Variants in RABGAP1L observed in about 807,000 individuals in gnomAD.
RABGAP1L encodes RAB GTPase activating protein 1 like.
Under a neutral mutation model 137.7 loss-of-function variants are expected in RABGAP1L, and 63 were observed. The observed-to-expected ratio is 0.46, with a 90% CI of 0.37 to 0.56. RABGAP1L has a LOEUF of 0.56. Among genes scored for constraint, RABGAP1L ranks in the 20% least tolerant of loss-of-function variants. RABGAP1L has a pLI of 0.00. For synonymous variants in RABGAP1L, 431 were observed against 433.7 expected, an observed-to-expected ratio of 0.99 and a Z score of 0.08; for missense variants, 1,095 against 1,244.0, an observed-to-expected ratio of 0.88 and a Z score of 1.80.
chr1:174,609,883 T>C (rs184100581), intron 13 of RABGAP1L, among the ~76,000 whole-genome samples: 48 of 152,222 alleles, frequency 3.2e-4, no homozygotes, highest in African/African-American at 1.1e-3. Flanking sequence ...AAACAGTTTT[T>C]TAAATTATTT....
At chr1:174,321,772 T>G (rs188647027) in intron 11 of RABGAP1L, among the ~76,000 whole-genome samples, 22 of 152,316 alleles carry the variant, frequency 1.4e-4, no homozygotes, top group Admixed American at 1.4e-3. Context: ...CCTTACTAGT[T>G]TAAAAAAATT....
chr1:174,962,205 C>CCA (rs1553295729), intron 20 of RABGAP1L, among the ~76,000 whole-genome samples: 16,097 of 136,788 alleles, frequency 0.12, 2,170 homozygotes, highest in East Asian at 0.25. Context: ...CACCCCCCCC[C>CCA]CACACACACA....
intron 13 of RABGAP1L, among the ~76,000 whole-genome samples, chr1:174,590,013 T>C (rs1227072151): frequency 2.0e-5 from 3 of 152,116 alleles, no homozygotes; most frequent in Non-Finnish European, 4.4e-5. Context: ...ATTGATACTT[T>C]GATTCGGATT....
At position 174,259,857 on chromosome 1, in the gene RABGAP1L, CAG is replaced by C. The variant is rs1673437225; in HGVS notation, c.986+7270_986+7271del. ...ACTGCATTTTTTTTTTTTTTTGAGA[CAG>C]AGTCTCACTCTGTCACCCAGGCTGG... On this transcript the variant is annotated intron_variant, in intron 7 of 25. Transcript: ENST00000681986. Among the ~76,000 whole-genome samples, 5 of 145,564 alleles carry C rather than the reference CAG, an allele frequency of 3.4e-5. No homozygotes were observed. The South Asian group carries it at 1.1e-3, about 31-fold the overall frequency.
intron 10 of RABGAP1L, among the ~76,000 whole-genome samples, chr1:174,290,100 A>G (rs968381644): frequency 5.3e-5 from 8 of 152,054 alleles, no homozygotes; most frequent in African/African-American, 1.9e-4. Context: ...TGGATTGCTG[A>G]CTGGGAAACC....
chr1:174,849,866 A>G, intron 19 of RABGAP1L: 1 of 564,826 alleles, frequency 1.8e-6, no homozygotes, highest in Non-Finnish European at 3.5e-6. Context: ...TTATCATATT[A>G]AAGTGATGGC....
At chr1:174,226,465 C>A (rs1670186689) in intron 3 of RABGAP1L, among the ~76,000 whole-genome samples, 1 of 151,524 alleles carries the variant, frequency 6.6e-6, no homozygotes, top group South Asian at 2.1e-4. Flanking sequence ...CAGGTATAAT[C>A]TGTGGGAGAG....
chr1:174,280,922 C>A (rs1216261383), intron 10 of RABGAP1L, among the ~76,000 whole-genome samples: 1 of 151,960 alleles, frequency 6.6e-6, no homozygotes. Context: ...TCTGGAGTTT[C>A]TTCCTTCTGG....
intron 19 of RABGAP1L, among the ~76,000 whole-genome samples, chr1:174,907,804 A>C (rs1375175028): frequency 6.6e-6 from 1 of 152,204 alleles, no homozygotes; most frequent in African/African-American, 2.4e-5. Flanking sequence ...TGGCATTAGT[A>C]AATCCTTACT....
At chr1:174,833,622 A>G (rs1410998844) in intron 19 of RABGAP1L, among the ~76,000 whole-genome samples, 1 of 150,374 alleles carries the variant, frequency 6.7e-6, no homozygotes, top group African/African-American at 2.4e-5. Context: ...GATCATTTAC[A>G]TGGCATCCAC....
Position 174,327,968 on chromosome 1 carries a change from T to TACAC in RABGAP1L, c.1465+22842_1465+22843insCACA, listed in dbSNP as rs1680604732. On this transcript the variant is annotated intron_variant, in intron 11 of 25. Coordinates refer to ENST00000681986, the MANE Select transcript of RABGAP1L (RefSeq NM_001366446.1). The stretch of plus-strand genomic sequence containing the variant: ...TATAACAGTTGTAAATATATATATA[T>TACAC]ATATATATATACACACACATATATA... 2.1e-4 allele frequency among the ~76,000 whole-genome samples: 3 copies of TACAC among 14,326 alleles called. 1 individual carries two copies. The highest frequency in any genetic ancestry group is 1.9e-3 in the African/African-American group (3 of 1,586). The allele number at this position is 14,326 out of a possible 152,430, so 9.4% of individuals were successfully genotyped here. A position where few individuals can be genotyped will look rare whatever the true frequency, so the allele number is the denominator to read the frequency against.
At chr1:174,879,176 C>T (rs1244095761) in intron 19 of RABGAP1L, among the ~76,000 whole-genome samples, 2 of 151,152 alleles carry the variant, frequency 1.3e-5, no homozygotes, top group African/African-American at 4.9e-5. Flanking sequence ...TCTCAGATCA[C>T]TGCAACCTCC....
At chr1:174,699,987 C>T (rs1256632497) in intron 16 of RABGAP1L, among the ~76,000 whole-genome samples, 6 of 152,158 alleles carry the variant, frequency 3.9e-5, no homozygotes, top group Non-Finnish European at 8.8e-5. Flanking sequence ...TAAGAGCTTT[C>T]TGCATACTAA....
intron 13 of RABGAP1L, among the ~76,000 whole-genome samples, chr1:174,544,419 G>A (rs918232250): frequency 2.6e-5 from 4 of 152,068 alleles, no homozygotes; most frequent in Admixed American, 1.3e-4. Flanking sequence ...GCATCATGTA[G>A]TTCTCTTGCC....
At chr1:174,948,126 CAAA>C (rs968469512) in intron 19 of RABGAP1L, among the ~76,000 whole-genome samples, 19 of 144,646 alleles carry the variant, frequency 1.3e-4, no homozygotes, top group Admixed American at 1.2e-3. Flanking sequence ...GGTACTTGAA[CAAA>C]AAAAAAATGA....
At chr1:174,755,149 A>C (rs1684636680) in intron 18 of RABGAP1L, among the ~76,000 whole-genome samples, 1 of 152,148 alleles carries the variant, frequency 6.6e-6, no homozygotes, top group African/African-American at 2.4e-5. Flanking sequence ...TATAGGATGA[A>C]TTCTGTGTTG....
intron 13 of RABGAP1L, among the ~76,000 whole-genome samples, chr1:174,438,527 G>A (rs1452739525): frequency 6.6e-6 from 1 of 151,660 alleles, no homozygotes; most frequent in Non-Finnish European, 1.5e-5. Context: ...AGGCCAGCCT[G>A]GTCAACATAG....
chr1:174,223,997 T>C (rs1182987707), intron 3 of RABGAP1L, among the ~76,000 whole-genome samples: 1 of 152,144 alleles, frequency 6.6e-6, no homozygotes, highest in East Asian at 1.9e-4. Flanking sequence ...GACAGTTGCA[T>C]CTTTGAGTGC....
At chr1:174,886,917 T>C (rs941310476) in intron 19 of RABGAP1L, among the ~76,000 whole-genome samples, 1 of 152,044 alleles carries the variant, frequency 6.6e-6, no homozygotes, top group African/African-American at 2.4e-5. Flanking sequence ...AGCAATCCTC[T>C]TGCCTCAGCC....
Sources: allele counts gnomAD v4.1 joint callset (sites outside exome capture counted in the v4.1 genomes callset), GRCh38; gene constraint gnomAD v4.1.1; transcripts MANE v1.5; gene names NCBI Gene and HGNC (gene_info 2026-07-23, HGNC 2026-07-21).